Variants in GCC2 observed in about 807,000 individuals in gnomAD.
The protein encoded by GCC2 is GRIP and coiled-coil domain-containing protein 2.
Under a neutral mutation model 210.6 loss-of-function variants are expected in GCC2, and 120 were observed. The observed-to-expected ratio is 0.57, with a 90% CI of 0.49 to 0.66. GCC2 has a LOEUF of 0.66. Ranked by LOEUF, GCC2 falls within the 30% of genes least tolerant of loss-of-function variation. GCC2 has a pLI of 0.00. For missense variants in GCC2, 1,868 were observed against 1,871.9 expected (o/e 1.00, Z 0.04); for synonymous variants, 703 against 652.7 (o/e 1.08, Z -1.17).
At chr2:108,504,031 T>G (rs943943430) in intron 22 of GCC2, among the ~76,000 whole-genome samples, 5 of 152,136 alleles carry the variant, frequency 3.3e-5, no homozygotes, top group African/African-American at 4.8e-5. Context: ...TTGTTTGTTA[T>G]AAGGAGTTCG....
intron 4 of GCC2, among the ~76,000 whole-genome samples, chr2:108,460,773 G>C (rs1287486236): frequency 1.3e-5 from 2 of 152,222 alleles, no homozygotes; most frequent in Admixed American, 6.5e-5. Context: ...GTAATCTTCA[G>C]TGTTGGAGGT....
intron 16 of GCC2, among the ~76,000 whole-genome samples, chr2:108,486,861 G>A (rs1682167736): frequency 6.6e-6 from 1 of 152,168 alleles, no homozygotes; most frequent in South Asian, 2.1e-4. Flanking sequence ...GGAAAAACAT[G>A]ATGTTTTTTC....
At chr2:108,474,703 C>T (rs914758402) in intron 7 of GCC2, 3 of 151,960 alleles carry the variant, frequency 2.0e-5, no homozygotes, top group Admixed American at 1.3e-4. Flanking sequence ...TTCACCTGTC[C>T]CCTACCCTCT....
chr2:108,506,989 A>C (rs890258231), intron 22 of GCC2, among the ~76,000 whole-genome samples: 1 of 152,208 alleles, frequency 6.6e-6, no homozygotes, highest in Non-Finnish European at 1.5e-5. Context: ...AGATTGCTTC[A>C]TGTTGCTTAT....
intron 22 of GCC2, among the ~76,000 whole-genome samples, chr2:108,500,029 G>T (rs1163539875): frequency 6.6e-6 from 1 of 152,166 alleles, no homozygotes; most frequent in Non-Finnish European, 1.5e-5. Context: ...CTGGTGTTGC[G>T]TTCTGGTGTT....
Position 108,471,791 on chromosome 2 carries a change from A to G in GCC2, c.2462A>G (p.Glu821Gly), listed in dbSNP as rs758744395. 1.2e-6 allele frequency: 2 copies of G among 1,613,294 alleles called. No individual in the cohort carries two copies. Among genetic ancestry groups the G allele is most frequent in the Non-Finnish European group, 8.5e-7 (1 of 1,179,388 alleles). The change falls in exon 6 of 23, where the codon GAG (glutamate) becomes GGG (glycine). Residue 821 changes from glutamate to glycine, a missense_variant. Around this residue, in one of 3 missense-constraint regions of GCC2, gnomAD observed 1,847 missense variants for 1,765.2 expected, o/e 1.05. Transcript: ENST00000309863. ...LEKEIKCLQE[E>G]SVVQCEELKS... ...AAAGAGATTAAGTGCCTTCAAGAAG[A>G]GAGTGTAGTTCAGTGTGAAGAACTT...
chr2:108,498,178 A>ATTTTT (rs1682737796), intron 21 of GCC2, among the ~76,000 whole-genome samples: 4 of 64,838 alleles, frequency 6.2e-5, no homozygotes, highest in African/African-American at 1.3e-4. Context: ...TAAATGTTAT[A>ATTTTT]TTTTCTTTTT....
rs531786389 is a variant in GCC2, at chr2:108,505,301, A to G, written c.4985-2259A>G. On this transcript the variant is annotated intron_variant, in intron 22 of 22. Coordinates refer to ENST00000309863, the MANE Select transcript of GCC2 (RefSeq NM_181453.4). ...AACAAGGTTACCTCACTTGAAATACATAACCAGTGCCAAGTTGTCCATCCC... is the reference window on the plus strand; with the variant it reads ...AACAAGGTTACCTCACTTGAAATACGTAACCAGTGCCAAGTTGTCCATCCC... Among the ~76,000 whole-genome samples, 16 of 152,332 alleles carry G rather than the reference A, an allele frequency of 1.1e-4. No individual in the cohort carries two copies. In the East Asian group the frequency reaches 2.9e-3, roughly 28 times the overall value.
chr2:108,455,120 T>G (rs1307082164), intron 4 of GCC2, among the ~76,000 whole-genome samples: 1 of 152,162 alleles, frequency 6.6e-6, no homozygotes, highest in Non-Finnish European at 1.5e-5. Context: ...ATTCTCCCAC[T>G]GTCAAAACTA....
At chr2:108,449,490 C>T in intron 1 of GCC2, 143 bp from the exon 2 acceptor site, 1 of 1,181,298 alleles carries the variant, frequency 8.5e-7, no homozygotes, top group South Asian at 1.4e-5. Flanking sequence ...CAGCGACCGC[C>T]TCCGTCCGCC....
At position 108,470,290 on chromosome 2, in the gene GCC2, C is replaced by G; in HGVS notation, c.961C>G (p.Gln321Glu). The part of the protein sequence containing the change: ...QDNQICSILL[Q>E]ENTFVEQVVN... ...CAATCAGATATGTTCTATTCTCTTG[C>G]AAGAAAATACATTTGTAGAACAAGT... Residue 321 changes from glutamine (Q) to glutamate (E), a missense_variant, in exon 6 of 23, where the codon CAA (glutamine) becomes GAA (glutamate). By Grantham distance (29) the Gln-to-Glu change is conservative. This residue lies in a region of GCC2 where 1,847 missense variants were observed against 1,765.2 expected (regional missense o/e 1.05). Transcript: ENST00000309863. 1.2e-6 allele frequency: 2 copies of G among 1,612,990 alleles called. No homozygotes were observed. Among genetic ancestry groups the G allele is most frequent in the Non-Finnish European group, 1.7e-6 (2 of 1,179,624 alleles).
At chr2:108,485,790 G>A (rs534492672) in intron 14 of GCC2, 41 bp from the exon 15 acceptor site, 13 of 1,427,010 alleles carry the variant, frequency 9.1e-6, no homozygotes, top group African/African-American at 2.9e-5. Context: ...TTATTTATGA[G>A]TAACATTAAA....
chr2:108,449,974 T>G (rs1679837293), intron 2 of GCC2: 1 of 366,928 alleles, frequency 2.7e-6, no homozygotes, highest in Non-Finnish European at 5.0e-6. Context: ...AGTGGTGTAG[T>G]GGAAGGAGCA....
At chr2:108,455,631 ATGTGT>A (rs1159887404) in intron 4 of GCC2, among the ~76,000 whole-genome samples, 3 of 152,142 alleles carry the variant, frequency 2.0e-5, no homozygotes, top group African/African-American at 7.2e-5. Context: ...TATCATATAT[ATGTGT>A]TGTGTACATT....
At chr2:108,484,361 C>T in intron 13 of GCC2, 50 bp downstream of exon 13, 3 of 1,091,600 alleles carry the variant, frequency 2.7e-6, no homozygotes, top group Non-Finnish European at 3.9e-6. Flanking sequence ...ATCATAACAA[C>T]TTGATTTGGT....
chr2:108,468,347 T>C (rs1209114853), intron 4 of GCC2, among the ~76,000 whole-genome samples: 4 of 152,226 alleles, frequency 2.6e-5, no homozygotes, highest in African/African-American at 7.2e-5. Flanking sequence ...ATTACAGGCA[T>C]GAGCCACCAT....
chr2:108,461,386 T>C (rs1356402346), intron 4 of GCC2, among the ~76,000 whole-genome samples: 2 of 152,170 alleles, frequency 1.3e-5, no homozygotes, highest in African/African-American at 4.8e-5. Flanking sequence ...CCTTTTTGCA[T>C]TGTATTTGTT....
intron 22 of GCC2, among the ~76,000 whole-genome samples, chr2:108,500,680 T>A (rs576355879): frequency 6.6e-6 from 1 of 152,376 alleles, no homozygotes; most frequent in South Asian, 2.1e-4. Context: ...CATGTTTGTT[T>A]TAGTTTTAAA....
chr2:108,469,062 T>A lies in GCC2; in HGVS notation c.299T>A (p.Ile100Lys). The stretch of plus-strand genomic sequence containing the variant: ...TGTCTTTCTCTGAAAAAGGAAAATA[T>A]AAAAATGAAGCAAGAGGTTGAGGTA... ...QQCLSLKKEN[I>K]KMKQEVEDSV... Residue 100 changes from isoleucine (I) to lysine (K), a missense_variant, in exon 5 of 23, where the codon ATA becomes AAA. Ile to Lys is a moderately radical substitution (Grantham distance 102, BLOSUM62 -3). Coordinates refer to ENST00000309863, the MANE Select transcript of GCC2 (RefSeq NM_181453.4). 1 of 1,608,562 alleles carries A rather than the reference T, an allele frequency of 6.2e-7. No individual in the cohort carries two copies. Among genetic ancestry groups the A allele is most frequent in the Non-Finnish European group, 8.5e-7 (1 of 1,175,128 alleles).
Sources: gnomAD v4.1 joint callset for allele counts (sites outside exome capture counted in the v4.1 genomes callset) on GRCh38, gnomAD v4.1.1 for gene constraint, gnomAD v4.1.1 regional missense constraint, MANE v1.5 for transcripts, NCBI Gene and HGNC (gene_info 2026-07-23, HGNC 2026-07-21) for gene names.